Variants in PXDNL observed in about 807,000 individuals in gnomAD.
PXDNL encodes the protein peroxidasin like.
PXDNL carries 145 observed loss-of-function variants against 150.8 expected under a neutral mutation model. That is an observed-to-expected ratio of 0.96 (90% CI 0.84 to 1.10). The LOEUF (loss-of-function observed/expected upper bound fraction) is 1.10. Ranked by LOEUF, PXDNL falls within the 50% of genes least tolerant of loss-of-function variation. PXDNL has a pLI of 0.00. For synonymous variants in PXDNL, 757 were observed against 725.7 expected (o/e 1.04, Z -0.69); for missense variants, 2,087 against 1,873.9 (o/e 1.11, Z -2.10).
intron 14 of PXDNL, among the ~76,000 whole-genome samples, chr8:51,420,205 T>C (rs1808910115): frequency 6.6e-6 from 1 of 152,224 alleles, no homozygotes; most frequent in South Asian, 2.1e-4. Context: ...TACAACATTC[T>C]ACAATAACTA....
chr8:51,512,900 C>A (rs377414122), intron 4 of PXDNL, among the ~76,000 whole-genome samples: 2 of 148,670 alleles, frequency 1.3e-5, no homozygotes, highest in Admixed American at 6.9e-5. Context: ...TCTCAATTTG[C>A]TGGCTCTTGA....
At chr8:51,381,055 T>C (rs1010218258) in intron 17 of PXDNL, among the ~76,000 whole-genome samples, 2 of 152,226 alleles carry the variant, frequency 1.3e-5, no homozygotes, top group African/African-American at 4.8e-5. Context: ...AATTTTTATA[T>C]ACATTTATAT....
intron 4 of PXDNL, among the ~76,000 whole-genome samples, chr8:51,516,444 A>G (rs113077853): frequency 0.018 from 2,756 of 152,336 alleles, 81 homozygotes; most frequent in African/African-American, 0.063. Flanking sequence ...CAGCCTTTCC[A>G]AGAATATACT....
chr8:51,620,406 A>G (rs756402663), intron 2 of PXDNL, among the ~76,000 whole-genome samples: 3 of 152,200 alleles, frequency 2.0e-5, no homozygotes, highest in South Asian at 2.1e-4. Flanking sequence ...GAGTGATTTT[A>G]GCTAACACAT....
At chr8:51,541,860 C>T (rs1229230367) in intron 4 of PXDNL, among the ~76,000 whole-genome samples, 1 of 152,180 alleles carries the variant, frequency 6.6e-6, no homozygotes, top group East Asian at 1.9e-4. Flanking sequence ...CTCCAGTTCT[C>T]CAACACTGCC....
chr8:51,439,236 C>G (rs1809482866), intron 12 of PXDNL, among the ~76,000 whole-genome samples: 1 of 151,982 alleles, frequency 6.6e-6, no homozygotes, highest in South Asian at 2.1e-4. Flanking sequence ...AAGAAAAAAA[C>G]AAACAATCCA....
intron 1 of PXDNL, among the ~76,000 whole-genome samples, chr8:51,728,979 T>C (rs914926508): frequency 1.3e-5 from 2 of 152,208 alleles, no homozygotes; most frequent in African/African-American, 4.8e-5. Flanking sequence ...TTTTATATGG[T>C]ATTTTTCTGT....
At chr8:51,759,534 C>T (rs1025021656) in intron 1 of PXDNL, among the ~76,000 whole-genome samples, 8 of 152,288 alleles carry the variant, frequency 5.3e-5, no homozygotes, top group Non-Finnish European at 1.0e-4. Flanking sequence ...TAGGCACGCC[C>T]TAAATACTGG....
chr8:51,474,877 G>A (rs926797433), intron 7 of PXDNL, 95 bp downstream of exon 7: 24 of 1,039,036 alleles, frequency 2.3e-5, no homozygotes, highest in South Asian at 2.9e-5. Flanking sequence ...CTGATAACAC[G>A]TTCTTCTAAA....
At chr8:51,678,769 A>C (rs1006861608) in intron 1 of PXDNL, among the ~76,000 whole-genome samples, 1 of 152,314 alleles carries the variant, frequency 6.6e-6, no homozygotes, top group Admixed American at 6.5e-5. Flanking sequence ...CTAATGCTAG[A>C]TGACGAGTTA....
chr8:51,554,089 A>G (rs1812551516), intron 4 of PXDNL, among the ~76,000 whole-genome samples: 1 of 152,216 alleles, frequency 6.6e-6, no homozygotes, highest in Admixed American at 6.5e-5. Flanking sequence ...TTCTTTACCA[A>G]TAAGTTTAAA....
intron 5 of PXDNL, among the ~76,000 whole-genome samples, chr8:51,485,459 T>G (rs10108607): frequency 0.027 from 4,057 of 152,254 alleles, 183 homozygotes; most frequent in African/African-American, 0.092. Context: ...CATCTCTACA[T>G]TGTCCGATTT....
chr8:51,556,859 G>A lies in PXDNL; in HGVS notation c.361C>T (p.Leu121Phe), dbSNP rs961933183. The A allele has an allele frequency of 6.3e-7, 1 of 1,579,382 alleles. No individual in the cohort carries two copies. Among genetic ancestry groups the A allele is most frequent in the African/African-American group, 1.3e-5 (1 of 74,118 alleles). The change falls in exon 4 of 23, where the codon CTC (leucine) becomes TTC (phenylalanine). Residue 121 changes from leucine to phenylalanine, a missense_variant. Leu to Phe is a conservative substitution (Grantham distance 22). Transcript: ENST00000356297. ...ACTTACAGATGTTCCAAAGATATGA[G>A]TCCTTTAAATGTTTGCTTATCTAGT... ...HALDKQTFKGLISLEHLYIHF... is the reference protein window; with the variant it reads ...HALDKQTFKGFISLEHLYIHF...
At chr8:51,556,674 C>T (rs978616455) in intron 4 of PXDNL, among the ~76,000 whole-genome samples, 166 bp downstream of exon 4, 2 of 152,288 alleles carry the variant, frequency 1.3e-5, no homozygotes, top group African/African-American at 4.8e-5. Flanking sequence ...TATGCCAACT[C>T]AATCATACAT....
At chr8:51,620,100 A>T (rs1233238174) in intron 2 of PXDNL, among the ~76,000 whole-genome samples, 1 of 152,218 alleles carries the variant, frequency 6.6e-6, no homozygotes, top group Non-Finnish European at 1.5e-5. Context: ...TCATATCTCA[A>T]AAATTTTGTT....
At chr8:51,334,117 A>ATT (rs1805771873) in intron 21 of PXDNL, among the ~76,000 whole-genome samples, 1 of 92,674 alleles carries the variant, frequency 1.1e-5, no homozygotes, top group Non-Finnish European at 2.5e-5. Context: ...CATATCAAGC[A>ATT]TTCTCGCAGA....
intron 1 of PXDNL, among the ~76,000 whole-genome samples, chr8:51,700,274 C>T (rs200677224): frequency 1.5e-5 from 2 of 130,546 alleles, no homozygotes; most frequent in African/African-American, 5.1e-5. Flanking sequence ...CACACACACA[C>T]ATATATACAT....
intron 5 of PXDNL, among the ~76,000 whole-genome samples, chr8:51,494,662 A>G (rs963251410): frequency 6.6e-6 from 1 of 152,148 alleles, no homozygotes; most frequent in Admixed American, 6.5e-5. Context: ...TTAAACCAAC[A>G]AAGATCAAAA....
At chr8:51,419,114 A>G (rs1040436257) in intron 14 of PXDNL, among the ~76,000 whole-genome samples, 8 of 152,220 alleles carry the variant, frequency 5.3e-5, no homozygotes, top group African/African-American at 1.9e-4. Context: ...AGTTTTTAAC[A>G]TGAGGAATTG....
Sources: allele counts gnomAD v4.1 joint callset (sites outside exome capture counted in the v4.1 genomes callset), GRCh38; gene constraint gnomAD v4.1.1; transcripts MANE v1.5; gene names NCBI Gene and HGNC (gene_info 2026-07-23, HGNC 2026-07-21).